Variants in DNPEP observed in about 807,000 individuals in gnomAD.
The protein encoded by DNPEP is aspartyl aminopeptidase.
A neutral mutation model predicts 59.1 loss-of-function variants in DNPEP; 46 were observed. The observed-to-expected ratio is 0.78, with a 90% CI of 0.61 to 0.99. The LOEUF is 0.99. Among genes scored for constraint, DNPEP ranks in the 50% least tolerant of loss-of-function variants. The pLI is 0.00. For missense variants in DNPEP, 617 were observed against 649.9 expected (o/e 0.95, Z 0.55); for synonymous variants, 229 against 242.2 (o/e 0.95, Z 0.50).
At chr2:219,387,964 G>T (rs1463944067), upstream of DNPEP, 2 of 685,474 alleles carry the variant, frequency 2.9e-6, no homozygotes, top group Non-Finnish European at 3.9e-6. Context: ...ACCTCTCCCC[G>T]CCCCTCGGCA....
upstream of DNPEP, among the ~76,000 whole-genome samples, chr2:219,389,897 T>G (rs79593451): frequency 0.028 from 4,253 of 149,840 alleles, 201 homozygotes; most frequent in African/African-American, 0.096. Flanking sequence ...GAGAGCATTC[T>G]TGTCCTCTAC....
intron 1 of DNPEP, among the ~76,000 whole-genome samples, chr2:219,394,328 G>A (rs1954062911): frequency 6.6e-6 from 1 of 152,130 alleles, no homozygotes; most frequent in South Asian, 2.1e-4. Flanking sequence ...TTGCTCTCCT[G>A]GGAACACTCT....
rs1185689367 is a variant in DNPEP at position 219,387,907 on chromosome 2, C to G, written c.-113G>C. On this transcript the variant is annotated 5_prime_UTR_variant, in exon 1 of 15. Transcript: ENST00000273075. ...GCGCCGCACTCGTAGGCCTTCATCA[C>G]GCTTCCCCGGCCGCGCCGCCCCGCC... 1 of 1,383,456 alleles carries G rather than the reference C, an allele frequency of 7.2e-7. No individual in the cohort carries two copies. The highest frequency in any genetic ancestry group is 1.6e-5 in the South Asian group (1 of 62,680). 85.7% of individuals were successfully genotyped at this position (1,383,456 alleles called of 1,614,324 possible). A position where few individuals can be genotyped will look rare whatever the true frequency, so the allele number is the denominator to read the frequency against.
chr2:219,397,360 T>C (rs1409417563), intron 1 of DNPEP, among the ~76,000 whole-genome samples: 1 of 152,120 alleles, frequency 6.6e-6, no homozygotes, highest in Admixed American at 6.5e-5. Context: ...AATTGGTTTT[T>C]TGTTTTGTTT....
chr2:219,390,284 A>G (rs1299781155), upstream of DNPEP, among the ~76,000 whole-genome samples: 3 of 152,254 alleles, frequency 2.0e-5, no homozygotes, highest in African/African-American at 7.2e-5. Context: ...CATTATTTAT[A>G]GATTATATGA....
chr2:219,387,995 C>G (rs1953928250), upstream of DNPEP: 1 of 1,231,834 alleles, frequency 8.1e-7, no homozygotes, highest in African/African-American at 1.7e-5. Flanking sequence ...CCACCTCGGT[C>G]AGCCCCGCCC....
At chr2:219,380,995 G>C (rs777045510) in intron 13 of DNPEP, among the ~76,000 whole-genome samples, 1 of 152,126 alleles carries the variant, frequency 6.6e-6, no homozygotes, top group Non-Finnish European at 1.5e-5. Flanking sequence ...GGAAGTGGGG[G>C]TGCTGCAGGG....
chr2:219,394,843 T>C (rs1361701061), intron 1 of DNPEP, among the ~76,000 whole-genome samples: 1 of 152,136 alleles, frequency 6.6e-6, no homozygotes, highest in African/African-American at 2.4e-5. Flanking sequence ...TCCCCAAACC[T>C]ATTCCATCCA....
intron 10 of DNPEP, 66 bp from the exon 11 acceptor site, chr2:219,382,205 G>A: frequency 6.4e-7 from 1 of 1,550,538 alleles, no homozygotes; most frequent in Non-Finnish European, 8.7e-7. Context: ...AAGCCAGTGA[G>A]AGGGGCCCAT....
chr2:219,375,657 G>A (rs1347014588), intron 13 of DNPEP, among the ~76,000 whole-genome samples: 1 of 152,156 alleles, frequency 6.6e-6, no homozygotes, highest in Non-Finnish European at 1.5e-5. Context: ...TGCCTCCTGG[G>A]TTCAAGCGAT....
In DNPEP at chr2:219,383,054, C is replaced by T. The variant is rs778674640; in HGVS notation, c.936+77G>A. Reference sequence around the variant, plus strand: ...TGGGGCCCCCAGAAGAGCCCTGGCTCACGGTGGATGCCTGGCACAACAAGT... The same window carrying T: ...TGGGGCCCCCAGAAGAGCCCTGGCTTACGGTGGATGCCTGGCACAACAAGT... On this transcript the variant is annotated intron_variant, in intron 10 of 14. Coordinates refer to ENST00000273075, the MANE Select transcript of DNPEP (RefSeq NM_012100.4). 5.7e-4 allele frequency: 797 copies of T among 1,396,288 alleles called. 1 individual carries two copies. The highest frequency in any genetic ancestry group is 7.2e-4 in the Non-Finnish European group (715 of 991,766). 86.5% of individuals were successfully genotyped at this position (1,396,288 alleles called of 1,614,324 possible).
At chr2:219,377,001 C>T (rs1002064639) in intron 13 of DNPEP, among the ~76,000 whole-genome samples, 3 of 151,954 alleles carry the variant, frequency 2.0e-5, no homozygotes, top group African/African-American at 7.3e-5. Context: ...AGGCTAGGCA[C>T]GGTGGCTCAC....
intron 13 of DNPEP, among the ~76,000 whole-genome samples, chr2:219,377,733 G>C (rs1336400515): frequency 1.3e-5 from 2 of 152,038 alleles, no homozygotes; most frequent in African/African-American, 4.8e-5. Context: ...AGACCAGCCT[G>C]GGCAACATAG....
intron 1 of DNPEP, among the ~76,000 whole-genome samples, chr2:219,399,676 T>TGATGA (rs1157677087): frequency 6.6e-6 from 1 of 152,246 alleles, no homozygotes; most frequent in Non-Finnish European, 1.5e-5. Context: ...TTAGCCAAGA[T>TGATGA]GATGATGAGT....
rs756734497 is a variant in DNPEP, at chr2:219,383,251, C to T, written c.853-37G>A. The T allele has an allele frequency of 6.9e-6, 11 of 1,592,766 alleles. No homozygotes were observed. In the Middle Eastern group the frequency reaches 6.6e-4, roughly 96 times the overall value. ...AAGGAAATGAGAGCATCATCTCCAA[C>T]CTGCTTCTGCTGGAACTCAGCCCAC... On this transcript the variant is annotated intron_variant, in intron 9 of 14. Coordinates refer to ENST00000273075, the MANE Select transcript of DNPEP (RefSeq NM_012100.4).
chr2:219,373,295 C>T lies in DNPEP; in HGVS notation c.*997G>A, dbSNP rs149317348. Among the ~76,000 whole-genome samples, 1,547 of 151,612 alleles carry T rather than the reference C, an allele frequency of 0.01. 28 individuals are homozygous for T. The highest frequency in any genetic ancestry group is 0.035 in the African/African-American group (1,454 of 41,322). ...GTTGGTCAGGCTGGTCTTGAACTCC[C>T]GACCTCAGGTGATCCGCCCACCTCA... On this transcript the variant is annotated 3_prime_UTR_variant, in exon 15 of 15. Transcript: ENST00000273075.
At chr2:219,387,271 C>T (rs1397033178) in intron 1 of DNPEP, 108 bp from the exon 2 acceptor site, 9 of 1,475,802 alleles carry the variant, frequency 6.1e-6, no homozygotes, top group Non-Finnish European at 8.1e-6. Flanking sequence ...CACTCTAAGG[C>T]ACAGACCTCT....
chr2:219,386,206 C>T, intron 5 of DNPEP, 80 bp downstream of exon 5: 1 of 1,610,614 alleles, frequency 6.2e-7, no homozygotes, highest in Non-Finnish European at 8.5e-7. Flanking sequence ...TGCCCCCACC[C>T]CTCTTCCCCA....
At chr2:219,388,002 G>A (rs1953928902), upstream of DNPEP, 9 of 1,099,944 alleles carry the variant, frequency 8.2e-6, no homozygotes, top group Non-Finnish European at 2.3e-6. Flanking sequence ...GGTCAGCCCC[G>A]CCCCTCGGCG....
Sources: allele counts gnomAD v4.1 joint callset (sites outside exome capture counted in the v4.1 genomes callset), GRCh38; gene constraint gnomAD v4.1.1; transcripts MANE v1.5; gene names NCBI Gene and HGNC (gene_info 2026-07-23, HGNC 2026-07-21).